The following IFT52 variants were observed in gnomAD, a reference collection of about 807,000 sequenced individuals.
The protein encoded by IFT52 is intraflagellar transport protein 52 homolog.
In IFT52, 44 loss-of-function variants were observed where a neutral mutation model predicts 54.4. That is an observed-to-expected ratio of 0.81 (90% CI 0.63 to 1.04). The LOEUF (loss-of-function observed/expected upper bound fraction) is 1.04. IFT52 is among the 50% of genes least tolerant of loss of function. The probability of loss-of-function intolerance (pLI) is 0.00; values close to 1 mark genes in which losing one functional copy is unlikely to be tolerated. For synonymous variants in IFT52, 181 were observed against 185.3 expected (o/e 0.98, Z 0.19); for missense variants, 452 against 523.6 (o/e 0.86, Z 1.33).
intron 6 of IFT52, among the ~76,000 whole-genome samples, chr20:43,610,107 C>T (rs1330389036): frequency 6.6e-6 from 1 of 151,166 alleles, no homozygotes; most frequent in Non-Finnish European, 1.5e-5. Context: ...CAGGACCAGC[C>T]TGGCCAACCC....
At chr20:43,627,563 G>A (rs890872469) in intron 10 of IFT52, among the ~76,000 whole-genome samples, 1 of 152,184 alleles carries the variant, frequency 6.6e-6, no homozygotes, top group Admixed American at 6.5e-5. Context: ...GAGGAAGTAA[G>A]GTCAAGAAGG....
chr20:43,599,850 C>A (rs558084247), intron 3 of IFT52, among the ~76,000 whole-genome samples: 1 of 152,128 alleles, frequency 6.6e-6, no homozygotes, highest in African/African-American at 2.4e-5. Flanking sequence ...CAGGTAACCA[C>A]GTGGCTGAGA....
At chr20:43,604,575 CA>C (rs1296617506) in intron 5 of IFT52, among the ~76,000 whole-genome samples, 11 of 148,350 alleles carry the variant, frequency 7.4e-5, no homozygotes, top group Non-Finnish European at 6.0e-5. Context: ...GACTTCATCT[CA>C]AAAAAAAAAT....
intron 10 of IFT52, among the ~76,000 whole-genome samples, chr20:43,631,621 A>G (rs1985176829): frequency 6.6e-6 from 1 of 152,242 alleles, no homozygotes; most frequent in Admixed American, 6.5e-5. Flanking sequence ...ATGCAAAAGG[A>G]TAACATGAAT....
chr20:43,640,776 C>A (rs927506638), intron 12 of IFT52, among the ~76,000 whole-genome samples: 5 of 152,152 alleles, frequency 3.3e-5, no homozygotes, highest in Admixed American at 1.3e-4. Flanking sequence ...TGGCTCATGC[C>A]TATAAGCCCA....
At chr20:43,610,965 A>T (rs2145615310) in intron 6 of IFT52, among the ~76,000 whole-genome samples, 1 of 152,208 alleles carries the variant, frequency 6.6e-6, no homozygotes, top group East Asian at 1.9e-4. Flanking sequence ...AATTGTTGGA[A>T]AATTTCAGTA....
chr20:43,627,709 G>A (rs1713329780), intron 10 of IFT52, among the ~76,000 whole-genome samples: 1 of 152,092 alleles, frequency 6.6e-6, no homozygotes, highest in South Asian at 2.1e-4. Flanking sequence ...GAGACAATGG[G>A]AAAGGGGGTT....
At chr20:43,597,090 C>T (rs369096067) in intron 3 of IFT52, among the ~76,000 whole-genome samples, 65 of 151,070 alleles carry the variant, frequency 4.3e-4, no homozygotes, top group African/African-American at 1.5e-3. Flanking sequence ...AGGAAAATTC[C>T]GCCAGGCGCG....
intron 6 of IFT52, among the ~76,000 whole-genome samples, chr20:43,611,749 G>T (rs1394737019): frequency 3.3e-5 from 5 of 151,918 alleles, no homozygotes; most frequent in African/African-American, 1.2e-4. Flanking sequence ...TAGCAAATAG[G>T]CCGGTCACAG....
At chr20:43,637,319 A>C in intron 12 of IFT52, 66 bp downstream of exon 12, 1 of 887,316 alleles carries the variant, frequency 1.1e-6, no homozygotes, top group Non-Finnish European at 1.7e-6. Context: ...CTGGAGTGCA[A>C]TGGTGCGATC....
chr20:43,622,730 T>A (rs1984410347), intron 9 of IFT52, among the ~76,000 whole-genome samples: 1 of 144,326 alleles, frequency 6.9e-6, no homozygotes, highest in Non-Finnish European at 1.5e-5. Flanking sequence ...TAAATATAAA[T>A]ATATACATAT....
intron 10 of IFT52, chr20:43,624,263 G>GC (rs1366934274): frequency 8.9e-6 from 5 of 559,372 alleles, no homozygotes. Flanking sequence ...TCCAGATTCT[G>GC]GACCAGGCAT....
chr20:43,627,455 A>C (rs1360981968), intron 10 of IFT52, among the ~76,000 whole-genome samples: 1 of 152,226 alleles, frequency 6.6e-6, no homozygotes, highest in Non-Finnish European at 1.5e-5. Context: ...AATTGGTTTA[A>C]GAGAGAATTG....
chr20:43,595,316 CAAAAAAAA>C (rs34012263), intron 2 of IFT52, among the ~76,000 whole-genome samples: 255 of 62,942 alleles, frequency 4.1e-3, no homozygotes, highest in African/African-American at 0.016. Context: ...GACTCCGTCT[CAAAAAAAA>C]AAAAAAAAAA....
At chr20:43,636,438 T>A (rs1295319524) in intron 11 of IFT52, among the ~76,000 whole-genome samples, 14 of 152,334 alleles carry the variant, frequency 9.2e-5, no homozygotes, top group Admixed American at 9.2e-4. Flanking sequence ...ACATTCAACT[T>A]GCCTTTAAAA....
At chr20:43,617,040 C>CT (rs537255149) in intron 7 of IFT52, among the ~76,000 whole-genome samples, 8 of 151,168 alleles carry the variant, frequency 5.3e-5, no homozygotes, top group South Asian at 2.1e-4. Flanking sequence ...TTATAGTATA[C>CT]TTTTTTTTTA....
At chr20:43,627,997 G>A (rs1984873165) in intron 10 of IFT52, among the ~76,000 whole-genome samples, 1 of 144,958 alleles carries the variant, frequency 6.9e-6, no homozygotes, top group African/African-American at 2.6e-5. Flanking sequence ...CACGATCTCG[G>A]CTCACTGCAG....
At position 43,620,874 on chromosome 20, in the gene IFT52, G is replaced by A. The variant is rs777978967; in HGVS notation, c.717G>A (p.Trp239Ter). The change falls in exon 9 of 14, where the codon TGG becomes TGA. Residue 239 changes from tryptophan to a stop codon, truncating the protein, a stop_gained. Coordinates refer to ENST00000373030, the MANE Select transcript of IFT52 (RefSeq NM_016004.5). LOFTEE classifies it high-confidence loss of function. Reference sequence around the variant, plus strand: ...TAATTTAGGATGTTGTTTTCCAGTGGCTCACGACAGGAGACATCCACCTAA... The same window carrying A: ...TAATTTAGGATGTTGTTTTCCAGTGACTCACGACAGGAGACATCCACCTAA... Reference protein sequence around the residue: ...NSKIMDVVFQWLTTGDIHLNQ... With the variant: ...NSKIMDVVFQ 3.7e-6 allele frequency: 6 copies of A among 1,611,050 alleles called. No individual in the cohort carries two copies. The East Asian group carries it at 1.3e-4, about 36-fold the overall frequency.
intron 10 of IFT52, among the ~76,000 whole-genome samples, chr20:43,626,067 G>A (rs1040340237): frequency 6.9e-6 from 1 of 145,248 alleles, no homozygotes; most frequent in African/African-American, 2.5e-5. Context: ...AGTTGAGAAA[G>A]ACTGCGAGTA....
Sources: allele counts gnomAD v4.1 joint callset (sites outside exome capture counted in the v4.1 genomes callset), GRCh38; gene constraint gnomAD v4.1.1; transcripts MANE v1.5; gene names NCBI Gene and HGNC (gene_info 2026-07-23, HGNC 2026-07-21).